The following THSD7A variants were observed in gnomAD, a reference collection of about 807,000 sequenced individuals.
THSD7A encodes thrombospondin type-1 domain-containing protein 7A.
In THSD7A, 96 loss-of-function variants were observed where a neutral mutation model predicts 231.3. The observed-to-expected ratio is 0.41, with a 90% CI of 0.35 to 0.49. The LOEUF (loss-of-function observed/expected upper bound fraction) is 0.49, where lower values mean the gene tolerates loss of function less well. THSD7A is among the 20% of genes least tolerant of loss of function. The pLI is 0.05. For missense variants in THSD7A, 2,290 were observed against 2,070.2 expected, an observed-to-expected ratio of 1.11 and a Z score of -2.06; for synonymous variants, 940 against 743.3, an observed-to-expected ratio of 1.26 and a Z score of -4.30.
chr7:11,419,820 G>A (rs562259499), intron 16 of THSD7A, among the ~76,000 whole-genome samples: 3 of 152,190 alleles, frequency 2.0e-5, no homozygotes, highest in Admixed American at 1.3e-4. Flanking sequence ...TGGAGATGAT[G>A]AGCTTATTGG....
intron 6 of THSD7A, among the ~76,000 whole-genome samples, chr7:11,510,327 C>A (rs769021444): frequency 6.6e-6 from 1 of 152,158 alleles, no homozygotes; most frequent in Non-Finnish European, 1.5e-5. Context: ...GGATTCACAG[C>A]CGAATTCTAC....
rs557238370 is a variant in THSD7A at position 11,665,826 on chromosome 7, C to T, written c.191-28865G>A. On this transcript the variant is annotated intron_variant, in intron 1 of 27. Transcript: ENST00000423059. The stretch of plus-strand genomic sequence containing the variant: ...AAAGTTACTAATACAAAATATGGAA[C>T]AAGAATGAATTTGCATATAGAATGA... 7.4e-4 allele frequency among the ~76,000 whole-genome samples: 113 copies of T among 152,030 alleles called. 1 individual carries two copies. Among genetic ancestry groups the T allele is most frequent in the African/African-American group, 2.6e-3 (106 of 41,488 alleles).
chr7:11,661,028 G>A (rs1486703872), intron 1 of THSD7A, among the ~76,000 whole-genome samples: 1 of 151,276 alleles, frequency 6.6e-6, no homozygotes, highest in Non-Finnish European at 1.5e-5. Flanking sequence ...TGGCCAAGAA[G>A]TGAAGAAGGT....
intron 6 of THSD7A, among the ~76,000 whole-genome samples, chr7:11,502,856 A>G (rs1239200192): frequency 2.0e-5 from 3 of 152,246 alleles, no homozygotes; most frequent in East Asian, 3.8e-4. Context: ...AAGAATCAGT[A>G]TCATTAAAAT....
At chr7:11,674,084 G>A (rs1268230080) in intron 1 of THSD7A, among the ~76,000 whole-genome samples, 3 of 152,024 alleles carry the variant, frequency 2.0e-5, no homozygotes, top group Non-Finnish European at 4.4e-5. Flanking sequence ...GGAGTTGCAG[G>A]TTCCCTGGTG....
intron 1 of THSD7A, among the ~76,000 whole-genome samples, chr7:11,655,356 T>C (rs1782664706): frequency 2.0e-5 from 3 of 151,906 alleles, no homozygotes; most frequent in African/African-American, 7.2e-5. Context: ...ACAGAGCTCA[T>C]TGTTTAGCAA....
intron 22 of THSD7A, among the ~76,000 whole-genome samples, chr7:11,402,290 C>T (rs1435075859): frequency 1.3e-5 from 2 of 152,150 alleles, no homozygotes; most frequent in Non-Finnish European, 2.9e-5. Context: ...TACTATCATT[C>T]TTGTCATTAT....
intron 6 of THSD7A, among the ~76,000 whole-genome samples, chr7:11,521,898 G>A (rs1005222195): frequency 2.6e-5 from 4 of 151,950 alleles, no homozygotes; most frequent in Non-Finnish European, 5.9e-5. Flanking sequence ...CAATTGTATA[G>A]AGCATCTTAG....
intron 1 of THSD7A, among the ~76,000 whole-genome samples, chr7:11,803,133 G>C (rs990809343): frequency 6.6e-6 from 1 of 152,174 alleles, no homozygotes; most frequent in East Asian, 1.9e-4. Context: ...AGTTAAGAGG[G>C]TGAAGGTGGG....
At chr7:11,746,188 T>C (rs1484377875) in intron 1 of THSD7A, among the ~76,000 whole-genome samples, 1 of 151,908 alleles carries the variant, frequency 6.6e-6, no homozygotes, top group African/African-American at 2.4e-5. Flanking sequence ...TGATATTTTG[T>C]ATTTAAACAT....
chr7:11,706,856 ATCT>A (rs1780785738), intron 1 of THSD7A, among the ~76,000 whole-genome samples: 1 of 150,622 alleles, frequency 6.6e-6, no homozygotes, highest in Non-Finnish European at 1.5e-5. Context: ...GTCATTAGTC[ATCT>A]TCTTGTCATT....
chr7:11,692,042 T>C (rs1780249196), intron 1 of THSD7A, among the ~76,000 whole-genome samples: 1 of 151,486 alleles, frequency 6.6e-6, no homozygotes, highest in African/African-American at 2.4e-5. Context: ...AAGCCACAAG[T>C]GTCAAGCCAA....
chr7:11,708,248 T>C (rs1780833934), intron 1 of THSD7A, among the ~76,000 whole-genome samples: 1 of 150,814 alleles, frequency 6.6e-6, no homozygotes, highest in Admixed American at 6.6e-5. Context: ...TAGAATTACT[T>C]GTCATAAATC....
chr7:11,591,808 A>G (rs1283834736), intron 3 of THSD7A, among the ~76,000 whole-genome samples: 1 of 152,146 alleles, frequency 6.6e-6, no homozygotes, highest in Admixed American at 6.6e-5. Flanking sequence ...AGCAAAACCA[A>G]ATAGATCATT....
chr7:11,827,100 T>G (rs1785055080), intron 1 of THSD7A, among the ~76,000 whole-genome samples: 1 of 152,056 alleles, frequency 6.6e-6, no homozygotes, highest in South Asian at 2.1e-4. Context: ...AACTCCTAGG[T>G]TCAAGCAATC....
chr7:11,818,481 A>G (rs924772983), intron 1 of THSD7A, among the ~76,000 whole-genome samples: 1 of 152,208 alleles, frequency 6.6e-6, no homozygotes, highest in East Asian at 1.9e-4. Flanking sequence ...CGGGAAGGTC[A>G]TGGGAGCAAC....
intron 1 of THSD7A, among the ~76,000 whole-genome samples, chr7:11,802,530 A>G (rs1367444031): frequency 1.3e-5 from 2 of 152,158 alleles, no homozygotes; most frequent in African/African-American, 4.8e-5. Context: ...AGATTTAAAA[A>G]TAATCAGAAT....
At chr7:11,712,372 G>C (rs1026624069) in intron 1 of THSD7A, among the ~76,000 whole-genome samples, 4 of 150,950 alleles carry the variant, frequency 2.6e-5, no homozygotes, top group Admixed American at 2.0e-4. Context: ...ATATGGCAGG[G>C]AAAGGAACAT....
At chr7:11,417,786 C>G (rs1010828416) in intron 16 of THSD7A, among the ~76,000 whole-genome samples, 183 bp from the exon 17 acceptor site, 1 of 152,160 alleles carries the variant, frequency 6.6e-6, no homozygotes, top group African/African-American at 2.4e-5. Flanking sequence ...TTAAAAGGAT[C>G]TTTGCCTCTC....
Sources: gnomAD v4.1 joint callset for allele counts (sites outside exome capture counted in the v4.1 genomes callset) on GRCh38, gnomAD v4.1.1 for gene constraint, MANE v1.5 for transcripts, NCBI Gene and HGNC (gene_info 2026-07-23, HGNC 2026-07-21) for gene names.